PEX5L: variants seen among roughly 807,000 people sequenced by gnomAD.
The protein encoded by PEX5L is PEX5-related protein.
PEX5L carries 30 observed loss-of-function variants against 84.0 expected under a neutral mutation model. That is an observed-to-expected ratio of 0.36 (90% CI 0.27 to 0.48). The LOEUF is 0.48. PEX5L is among the 20% of genes least tolerant of loss of function. The probability of loss-of-function intolerance (pLI) is 0.99; values close to 1 mark genes in which losing one functional copy is unlikely to be tolerated. For missense variants in PEX5L, 533 were observed against 754.6 expected (o/e 0.71, Z 3.44); for synonymous variants, 270 against 283.1 (o/e 0.95, Z 0.46).
At chr3:179,808,546 G>T in intron 12 of PEX5L, 109 bp from the exon 13 acceptor site, 1 of 828,808 alleles carries the variant, frequency 1.2e-6, no homozygotes. Flanking sequence ...TTACAGACTG[G>T]AAAATTTTGC....
In PEX5L at chr3:180,036,702, T is replaced by C; in HGVS notation, c.-103A>G. On this transcript the variant is annotated 5_prime_UTR_variant, in exon 1 of 15. Coordinates refer to ENST00000467460, the MANE Select transcript of PEX5L (RefSeq NM_016559.3). Reference sequence around the variant, plus strand: ...GAAAAGGTGGGTGCACAGCGGGTTCTCAGAGGGTGCTCCTGAGCCCCCTGG... The same window carrying C: ...GAAAAGGTGGGTGCACAGCGGGTTCCCAGAGGGTGCTCCTGAGCCCCCTGG... 7.5e-7 allele frequency: 1 copy of C among 1,335,338 alleles called. No individual in the cohort carries two copies. The highest frequency in any genetic ancestry group is 1.1e-6 in the Non-Finnish European group (1 of 926,546). The allele number at this position is 1,335,338 out of a possible 1,614,324, so 82.7% of individuals were successfully genotyped here. A position where few individuals can be genotyped will look rare whatever the true frequency, so the allele number is the denominator to read the frequency against.
intron 8 of PEX5L, among the ~76,000 whole-genome samples, chr3:179,845,622 T>G (rs530582382): frequency 1.8e-4 from 28 of 152,368 alleles, no homozygotes; most frequent in African/African-American, 6.7e-4. Context: ...GTTTACTATC[T>G]GAATTCAGAG....
intron 2 of PEX5L, among the ~76,000 whole-genome samples, chr3:179,901,656 T>C (rs774429831): frequency 7.2e-5 from 11 of 152,180 alleles, no homozygotes; most frequent in Non-Finnish European, 1.6e-4. Flanking sequence ...GGAAAAACAA[T>C]AACAACATTA....
intron 7 of PEX5L, among the ~76,000 whole-genome samples, chr3:179,860,406 A>G (rs183265465): frequency 1.3e-4 from 20 of 152,328 alleles, no homozygotes; most frequent in African/African-American, 4.3e-4. Context: ...ATTGCTCTGT[A>G]GCAGTGATGC....
chr3:180,004,234 T>G (rs1788674370), intron 1 of PEX5L, among the ~76,000 whole-genome samples: 1 of 152,374 alleles, frequency 6.6e-6, no homozygotes, highest in Non-Finnish European at 1.5e-5. Context: ...TAGAGACCAC[T>G]GATGCTAGCT....
chr3:180,019,186 C>T (rs10513766), intron 1 of PEX5L, among the ~76,000 whole-genome samples: 18,673 of 152,004 alleles, frequency 0.12, 1,250 homozygotes, highest in African/African-American at 0.17. Context: ...AGGTTTAAGG[C>T]CATATAGGGT....
At chr3:179,965,193 A>C (rs1349169077) in intron 2 of PEX5L, among the ~76,000 whole-genome samples, 2 of 152,240 alleles carry the variant, frequency 1.3e-5, no homozygotes, top group Admixed American at 1.3e-4. Flanking sequence ...ATAGTAAACC[A>C]GTGGAAATAA....
At chr3:179,825,202 G>A (rs1729988283) in intron 8 of PEX5L, among the ~76,000 whole-genome samples, 1 of 152,228 alleles carries the variant, frequency 6.6e-6, no homozygotes, top group African/African-American at 2.4e-5. Flanking sequence ...TCAGGGGGAT[G>A]CTGAGAGCTG....
intron 1 of PEX5L, among the ~76,000 whole-genome samples, chr3:179,991,992 T>C (rs1233428042): frequency 2.0e-5 from 3 of 152,214 alleles, no homozygotes; most frequent in Non-Finnish European, 4.4e-5. Flanking sequence ...TATTAGACAT[T>C]TGTTTTTGTT....
chr3:179,825,996 T>A (rs74703675), intron 8 of PEX5L, among the ~76,000 whole-genome samples: 2,594 of 152,318 alleles, frequency 0.017, 93 homozygotes, highest in African/African-American at 0.059. Context: ...ACTCAGATTT[T>A]TCTAGTGACG....
intron 1 of PEX5L, among the ~76,000 whole-genome samples, chr3:179,998,298 C>T (rs1416965530): frequency 6.6e-6 from 1 of 152,172 alleles, no homozygotes; most frequent in African/African-American, 2.4e-5. Flanking sequence ...TACTCAGGCC[C>T]ATTGATTAAG....
At chr3:179,824,769 T>C (rs1729795616) in intron 8 of PEX5L, among the ~76,000 whole-genome samples, 1 of 149,742 alleles carries the variant, frequency 6.7e-6, no homozygotes, top group Non-Finnish European at 1.5e-5. Flanking sequence ...AAAACCACTA[T>C]GCAAGTTTGG....
At chr3:180,026,028 T>C (rs2108338069) in intron 1 of PEX5L, among the ~76,000 whole-genome samples, 1 of 152,296 alleles carries the variant, frequency 6.6e-6, no homozygotes, top group South Asian at 2.1e-4. Context: ...CTTGGGGCTG[T>C]TATGCTGGAG....
chr3:179,819,795 C>T, intron 9 of PEX5L, 65 bp downstream of exon 9: 1 of 1,373,600 alleles, frequency 7.3e-7, no homozygotes, highest in South Asian at 1.2e-5. Flanking sequence ...ATTGACTAAT[C>T]TATAAAATAT....
intron 2 of PEX5L, among the ~76,000 whole-genome samples, chr3:179,925,872 G>A (rs1771297330): frequency 1.3e-5 from 2 of 151,706 alleles, no homozygotes; most frequent in African/African-American, 4.8e-5. Context: ...AAAATTATTG[G>A]AGAAAATGTC....
At chr3:180,020,598 C>T (rs2110505306) in intron 1 of PEX5L, among the ~76,000 whole-genome samples, 1 of 152,096 alleles carries the variant, frequency 6.6e-6, no homozygotes, top group African/African-American at 2.4e-5. Flanking sequence ...AGTGATGTTT[C>T]CCAAGTCATA....
intron 2 of PEX5L, among the ~76,000 whole-genome samples, chr3:179,970,298 A>G (rs980536870): frequency 6.6e-6 from 1 of 152,112 alleles, no homozygotes; most frequent in Non-Finnish European, 1.5e-5. Context: ...TTTGATCAGA[A>G]TCCCAGTCTA....
chr3:179,960,696 G>A (rs981790311), intron 2 of PEX5L, among the ~76,000 whole-genome samples: 1 of 152,152 alleles, frequency 6.6e-6, no homozygotes, highest in East Asian at 1.9e-4. Context: ...TACATTTTTA[G>A]CTTAAAAATT....
chr3:179,846,100 G>A (rs1379927403), intron 8 of PEX5L, among the ~76,000 whole-genome samples: 2 of 152,138 alleles, frequency 1.3e-5, no homozygotes, highest in African/African-American at 4.8e-5. Flanking sequence ...AACCCTGGAG[G>A]CAGAGGTTGC....
Sources: gnomAD v4.1 joint callset for allele counts (sites outside exome capture counted in the v4.1 genomes callset) on GRCh38, gnomAD v4.1.1 for gene constraint, MANE v1.5 for transcripts, NCBI Gene and HGNC (gene_info 2026-07-23, HGNC 2026-07-21) for gene names.